The following KATNIP variants were observed in gnomAD, a reference collection of about 807,000 sequenced individuals.
KATNIP encodes katanin interacting protein, also known as katanin-interacting protein.
KATNIP carries 126 observed loss-of-function variants against 174.0 expected under a neutral mutation model. The ratio of observed to expected loss-of-function variants is 0.72; its 90% CI spans 0.63 to 0.84. The LOEUF (loss-of-function observed/expected upper bound fraction) is 0.84, where lower values mean the gene tolerates loss of function less well. Ranked by LOEUF, KATNIP falls within the 40% of genes least tolerant of loss-of-function variation. KATNIP has a pLI of 0.00. For missense variants in KATNIP, 1,958 were observed against 2,109.7 expected (o/e 0.93, Z 1.41); for synonymous variants, 810 against 835.7 (o/e 0.97, Z 0.53).
At chr16:27,636,601 G>A (rs1303294186) in intron 5 of KATNIP, among the ~76,000 whole-genome samples, 1 of 151,670 alleles carries the variant, frequency 6.6e-6, no homozygotes, top group African/African-American at 2.4e-5. Context: ...GGAGCTCTCT[G>A]TGTAACCTCT....
chr16:27,730,506 T>C (rs1049633944), intron 14 of KATNIP, among the ~76,000 whole-genome samples: 10 of 152,172 alleles, frequency 6.6e-5, no homozygotes, highest in Non-Finnish European at 1.5e-4. Context: ...TCTGGCTCTC[T>C]GGCTCTTTCG....
intron 15 of KATNIP, 94 bp downstream of exon 15, chr16:27,741,014 T>G: frequency 1.6e-6 from 2 of 1,261,330 alleles, no homozygotes; most frequent in South Asian, 1.5e-5. Context: ...AGTTTCCTTA[T>G]CTGCACAACA....
At chr16:27,708,540 G>T (rs1738660348) in intron 12 of KATNIP, 165 bp from the exon 13 acceptor site, 1 of 576,786 alleles carries the variant, frequency 1.7e-6, no homozygotes, top group South Asian at 2.4e-5. Context: ...TTTAATCATT[G>T]TAATAACCAT....
At chr16:27,648,869 C>T (rs2077040753) in intron 6 of KATNIP, 134 bp downstream of exon 6, 13 of 1,076,856 alleles carry the variant, frequency 1.2e-5, no homozygotes, top group Non-Finnish European at 1.6e-5. Flanking sequence ...TTCACTCTTG[C>T]GTTCATTTCA....
chr16:27,754,705 G>A (rs1373361176), intron 18 of KATNIP: 1 of 155,008 alleles, frequency 6.5e-6, no homozygotes, highest in Non-Finnish European at 1.4e-5. Context: ...CCCCGGGGGT[G>A]GGGGCAGGTG....
At chr16:27,612,557 G>A (rs967532800) in intron 2 of KATNIP, among the ~76,000 whole-genome samples, 12 of 151,954 alleles carry the variant, frequency 7.9e-5, no homozygotes, top group South Asian at 4.1e-4. Flanking sequence ...TCAGGAGTTC[G>A]AGACCAGCCT....
chr16:27,723,949 C>T (rs908127580), intron 14 of KATNIP, among the ~76,000 whole-genome samples: 1 of 152,262 alleles, frequency 6.6e-6, no homozygotes, highest in East Asian at 1.9e-4. Context: ...ACTAACAGGA[C>T]AGGCAGCCCC....
rs139974899 is a variant in KATNIP at position 27,584,577 on chromosome 16, A to G, written c.63+10621A>G. Among the ~76,000 whole-genome samples the G allele has an allele frequency of 1.3e-4, 20 of 152,036 alleles. 1 individual carries two copies. In the East Asian group the frequency reaches 3.7e-3, roughly 28 times the overall value. ...GGAGGCTGAGGTAGGTGGATCACCT[A>G]AGGTCAGGAATTTGACCAGCCTGGC... On this transcript the variant is annotated intron_variant, in intron 2 of 27. Transcript: ENST00000261588.
intron 12 of KATNIP, among the ~76,000 whole-genome samples, chr16:27,707,845 T>A (rs1238160382): frequency 6.6e-6 from 1 of 152,234 alleles, no homozygotes; most frequent in Non-Finnish European, 1.5e-5. Context: ...TCTCTGTGTG[T>A]CCAACTTTCC....
At chr16:27,700,692 G>A (rs911366972) in intron 10 of KATNIP, among the ~76,000 whole-genome samples, 1 of 152,172 alleles carries the variant, frequency 6.6e-6, no homozygotes, top group African/African-American at 2.4e-5. Context: ...CTTTGAGGTG[G>A]GAATGAGCCC....
intron 2 of KATNIP, among the ~76,000 whole-genome samples, chr16:27,600,842 G>T (rs2075499439): frequency 6.6e-6 from 1 of 151,664 alleles, no homozygotes; most frequent in Non-Finnish European, 1.5e-5. Flanking sequence ...CGATTCTCCT[G>T]CCTCAGCCTC....
chr16:27,570,302 T>C (rs1287517839), intron 1 of KATNIP, among the ~76,000 whole-genome samples: 5 of 151,878 alleles, frequency 3.3e-5, no homozygotes, highest in East Asian at 3.9e-4. Flanking sequence ...AGTGGCTCAC[T>C]CCTGTAATCC....
In KATNIP at chr16:27,610,611, G is replaced by A. The variant is rs116648054; in HGVS notation, c.64-7814G>A. On this transcript the variant is annotated intron_variant, in intron 2 of 27. Coordinates refer to ENST00000261588, the MANE Select transcript of KATNIP (RefSeq NM_015202.5). ...GCTTGACTGGTTGCAGTTGCAGCCC[G>A]CTTTTGTACAACATCAGGGGGCACA... is the stretch of plus-strand genomic sequence containing the variant. Among the ~76,000 whole-genome samples, 1,169 of 152,226 alleles carry A rather than the reference G, an allele frequency of 7.7e-3. 16 individuals carry two copies. Among genetic ancestry groups the A allele is most frequent in the African/African-American group, 0.027 (1,122 of 41,528 alleles).
At chr16:27,694,216 T>C (rs545231773) in intron 8 of KATNIP, among the ~76,000 whole-genome samples, 87 of 152,294 alleles carry the variant, frequency 5.7e-4, no homozygotes, top group Non-Finnish European at 1.1e-3. Context: ...CTCCTGCCAG[T>C]GACATTCTTG....
intron 13 of KATNIP, among the ~76,000 whole-genome samples, chr16:27,711,372 C>T (rs984635289): frequency 6.6e-5 from 10 of 152,200 alleles, no homozygotes; most frequent in African/African-American, 1.9e-4. Flanking sequence ...CCATCACTAA[C>T]TTACGTCTTA....
Position 27,740,224 on chromosome 16 carries a change from A to G in KATNIP, c.1927A>G (p.Thr643Ala). Residue 643 changes from threonine to alanine, a missense_variant, in exon 15 of 28, where the codon ACC (threonine) becomes GCC (alanine). Transcript: ENST00000261588. ...MNAHSEESKG[T>A]HEMAGASGDK... is the part of the protein sequence containing the mutation. ...CGCTCACTCGGAAGAAAGCAAAGGC[A>G]CCCATGAGATGGCTGGTGCCAGCGG... is the stretch of plus-strand genomic sequence containing the variant. 1 of 1,614,218 alleles carries G rather than the reference A, an allele frequency of 6.2e-7. No individual in the cohort carries two copies. Among genetic ancestry groups the G allele is most frequent in the Non-Finnish European group, 8.5e-7 (1 of 1,180,036 alleles).
At position 27,776,896 on chromosome 16, in the gene KATNIP, T is replaced by C; in HGVS notation, c.4450-32T>C. On this transcript the variant is annotated intron_variant, in intron 24 of 27. Coordinates refer to ENST00000261588, the MANE Select transcript of KATNIP (RefSeq NM_015202.5). This position sits in a 1 kb window ranked among gnomAD's most constrained non-coding sequence, Gnocchi z 4.7. ...AGCCAAGCGCCTCTGTTTCCAAACA[T>C]GCCTGTTTTAATTAGTGCCGCTCTC... 6.7e-7 allele frequency: 1 copy of C among 1,485,860 alleles called. No homozygotes were observed. The highest frequency in any genetic ancestry group is 1.4e-5 in the African/African-American group (1 of 72,426). The allele number at this position is 1,485,860 out of a possible 1,614,324, so 92.0% of individuals were successfully genotyped here.
chr16:27,584,120 C>A (rs1006005142), intron 2 of KATNIP, among the ~76,000 whole-genome samples: 1 of 152,074 alleles, frequency 6.6e-6, no homozygotes, highest in Non-Finnish European at 1.5e-5. Flanking sequence ...TAGAACAGTG[C>A]CCTACAGGTT....
chr16:27,704,466 G>C (rs1465483373), intron 12 of KATNIP, among the ~76,000 whole-genome samples: 1 of 152,190 alleles, frequency 6.6e-6, no homozygotes, highest in Non-Finnish European at 1.5e-5. Context: ...ACCTTAGGAA[G>C]AGCCTGAGAA....
Sources: gnomAD v4.1 joint callset for allele counts (sites outside exome capture counted in the v4.1 genomes callset) on GRCh38, gnomAD v4.1.1 for gene constraint, Gnocchi (gnomAD v3.1) non-coding constraint, MANE v1.5 for transcripts, NCBI Gene and HGNC (gene_info 2026-07-23, HGNC 2026-07-21) for gene names.